The following ANXA8 variants were observed in gnomAD, a reference collection of about 807,000 sequenced individuals.
ANXA8 encodes the protein annexin A8.
A neutral mutation model predicts 26.8 loss-of-function variants in ANXA8; 9 were observed. That is an observed-to-expected ratio of 0.34 (90% confidence interval 0.20 to 0.59). ANXA8 has a LOEUF of 0.59. ANXA8 is among the 20% of genes least tolerant of loss of function. The pLI is 0.84. For synonymous variants in ANXA8, 39 were observed against 94.8 expected (o/e 0.41, Z 3.42); for missense variants, 83 against 238.5 (o/e 0.35, Z 4.29).
chr10:47,730,814 G>T, the ANXA8 span, among the ~76,000 whole-genome samples: 1 of 148,090 alleles, frequency 6.8e-6, no homozygotes, highest in Non-Finnish European at 1.5e-5. Context: ...CAGTGCTTTC[G>T]CTTATCCCTA....
chr10:47,777,104 A>C, the ANXA8 span, among the ~76,000 whole-genome samples: 2 of 151,990 alleles, frequency 1.3e-5, no homozygotes, highest in Non-Finnish European at 2.9e-5. Flanking sequence ...CCGTATCTCC[A>C]GATAAAAAAA....
chr10:47,991,577 G>T, the ANXA8 span: 2 of 1,604,078 alleles, frequency 1.2e-6, no homozygotes, highest in Non-Finnish European at 1.7e-6. Flanking sequence ...AATGTAGACT[G>T]AGCCACTCCC....
the ANXA8 span, among the ~76,000 whole-genome samples, chr10:47,976,486 T>C: frequency 6.6e-6 from 1 of 151,136 alleles, no homozygotes; most frequent in Non-Finnish European, 1.5e-5. Context: ...GATGGGAGGA[T>C]TGCTTAAGTC....
chr10:47,955,224 C>T, the ANXA8 span, among the ~76,000 whole-genome samples: 470 of 149,688 alleles, frequency 3.1e-3, 1 homozygote, highest in Non-Finnish European at 4.9e-3. Context: ...TGCCTCCCGC[C>T]GTGATTGTGA....
chr10:47,582,030 A>C, the ANXA8 span, among the ~76,000 whole-genome samples: 1 of 150,122 alleles, frequency 6.7e-6, no homozygotes, highest in Non-Finnish European at 1.5e-5. Context: ...AAGCTGAGAC[A>C]CAACAAGGGT....
At chr10:47,940,892 GAGAA>G in the ANXA8 span, among the ~76,000 whole-genome samples, 1 of 142,588 alleles carries the variant, frequency 7.0e-6, no homozygotes, top group South Asian at 2.2e-4. Flanking sequence ...AATAAAAAGA[GAGAA>G]AGAGAGGGAG....
At chr10:47,627,628 C>T in the ANXA8 span, among the ~76,000 whole-genome samples, 1 of 150,096 alleles carries the variant, frequency 6.7e-6, no homozygotes, top group East Asian at 1.9e-4. Context: ...CCACTGGATT[C>T]AAAATCTATT....
At chr10:47,683,083 T>C in the ANXA8 span, among the ~76,000 whole-genome samples, 2 of 152,108 alleles carry the variant, frequency 1.3e-5, no homozygotes, top group South Asian at 4.1e-4. Context: ...TACTTTGAGA[T>C]ACTAAATGAG....
At chr10:47,980,943 A>C in the ANXA8 span, among the ~76,000 whole-genome samples, 1 of 151,516 alleles carries the variant, frequency 6.6e-6, no homozygotes, top group Non-Finnish European at 1.5e-5. Context: ...AAATAGAAGA[A>C]ACAAACTTCA....
chr10:47,914,946 G>T, the ANXA8 span, among the ~76,000 whole-genome samples: 1 of 152,272 alleles, frequency 6.6e-6, no homozygotes, highest in Non-Finnish European at 1.5e-5. Context: ...TATCTCCTTT[G>T]TGCTGTTGAT....
At chr10:47,665,436 G>T in the ANXA8 span, among the ~76,000 whole-genome samples, 1 of 151,190 alleles carries the variant, frequency 6.6e-6, no homozygotes, top group Non-Finnish European at 1.5e-5. Context: ...GATAAAGGAA[G>T]ACATTCTTTC....
At chr10:47,916,572 C>T in the ANXA8 span, among the ~76,000 whole-genome samples, 2 of 131,154 alleles carry the variant, frequency 1.5e-5, 1 homozygote, top group Non-Finnish European at 3.6e-5. Context: ...CTTTGAGGCT[C>T]AGTTTTCTCG....
At chr10:47,679,293 T>C in the ANXA8 span, among the ~76,000 whole-genome samples, 3 of 151,702 alleles carry the variant, frequency 2.0e-5, no homozygotes, top group African/African-American at 7.3e-5. Flanking sequence ...CTAAATAGAA[T>C]AAACAAATAT....
the ANXA8 span, among the ~76,000 whole-genome samples, chr10:47,558,791 C>A: frequency 6.6e-6 from 1 of 151,832 alleles, no homozygotes; most frequent in Non-Finnish European, 1.5e-5. Context: ...CCTGTTTGAT[C>A]TCTGTTGGTC....
the ANXA8 span, among the ~76,000 whole-genome samples, chr10:47,498,319 A>G: frequency 6.8e-5 from 10 of 146,316 alleles, no homozygotes; most frequent in Admixed American, 4.1e-4. Context: ...ATGTTGTAGC[A>G]TGTGTTAGAA....
chr10:47,970,516 C>T, the ANXA8 span: 1 of 151,258 alleles, frequency 6.6e-6, no homozygotes, highest in South Asian at 2.1e-4. Context: ...AATGAACACA[C>T]ACATCCAAGT....
chr10:47,587,987 CG>C, the ANXA8 span, among the ~76,000 whole-genome samples: 4 of 144,072 alleles, frequency 2.8e-5, 1 homozygote, highest in African/African-American at 1.2e-4. Flanking sequence ...GGCACAAATG[CG>C]GTTTGTTGTT....
the ANXA8 span, among the ~76,000 whole-genome samples, chr10:47,648,537 G>A: frequency 1.8e-4 from 25 of 139,800 alleles, no homozygotes; most frequent in African/African-American, 7.5e-4. Flanking sequence ...TAATCATCAT[G>A]GGCAGTGGTC....
At chr10:47,775,956 CA>C in the ANXA8 span, among the ~76,000 whole-genome samples, 4 of 151,560 alleles carry the variant, frequency 2.6e-5, no homozygotes, top group South Asian at 8.4e-4. Context: ...GCAAGACAGC[CA>C]GCTGCAAGGG....
Sources: gnomAD v4.1 joint callset for allele counts (sites outside exome capture counted in the v4.1 genomes callset) on GRCh38, gnomAD v4.1.1 for gene constraint, MANE v1.5 for transcripts, NCBI Gene and HGNC (gene_info 2026-07-23, HGNC 2026-07-21) for gene names.